The following MACROD2 variants were observed in gnomAD, a reference collection of about 807,000 sequenced individuals.
The protein encoded by MACROD2 is mono-ADP ribosylhydrolase 2, also known as ADP-ribose glycohydrolase MACROD2.
Under a neutral mutation model 70.4 loss-of-function variants are expected in MACROD2, and 36 were observed. The observed-to-expected ratio is 0.51, with a 90% confidence interval of 0.39 to 0.68. The LOEUF (loss-of-function observed/expected upper bound fraction) is 0.68. Among genes scored for constraint, MACROD2 ranks in the 30% least tolerant of loss-of-function variants. The pLI, the probability that MACROD2 is intolerant of heterozygous loss-of-function variation, is 0.00. For missense variants in MACROD2, 496 were observed against 538.4 expected, an observed-to-expected ratio of 0.92 and a Z score of 0.78; for synonymous variants, 172 against 178.8, an observed-to-expected ratio of 0.96 and a Z score of 0.30.
chr20:14,697,567 T>A (rs2071141560), intron 5 of MACROD2, among the ~76,000 whole-genome samples: 2 of 152,210 alleles, frequency 1.3e-5, no homozygotes, highest in African/African-American at 4.8e-5. Flanking sequence ...CATATCACAC[T>A]ACAAGTAATA....
chr20:15,051,908 C>T lies in MACROD2; in HGVS notation c.419-178032C>T, dbSNP rs73612389. Among the ~76,000 whole-genome samples the T allele has an allele frequency of 6.0e-4, 91 of 152,124 alleles. 1 individual carries two copies. The East Asian group carries it at 0.015, about 25-fold the overall frequency. ...CTGGGACTACAGGCACGCGCCACTACGTCCAGCTAATTTTTTGTGTTTTTA... is the reference window on the plus strand; with the variant it reads ...CTGGGACTACAGGCACGCGCCACTATGTCCAGCTAATTTTTTGTGTTTTTA... On this transcript the variant is annotated intron_variant, in intron 5 of 17. Transcript: ENST00000684519.
intron 5 of MACROD2, among the ~76,000 whole-genome samples, chr20:14,749,488 A>G (rs910787327): frequency 1.3e-5 from 2 of 152,088 alleles, no homozygotes; most frequent in Admixed American, 6.5e-5. Context: ...TAGAGAGATG[A>G]TATTTTAACT....
At chr20:15,005,399 A>G (rs1411513946) in intron 5 of MACROD2, among the ~76,000 whole-genome samples, 1 of 152,228 alleles carries the variant, frequency 6.6e-6, no homozygotes, top group East Asian at 1.9e-4. Context: ...TTCAAGTGGG[A>G]GTTCATAAGT....
chr20:15,432,145 T>C (rs1250968073), intron 7 of MACROD2, among the ~76,000 whole-genome samples: 1 of 152,100 alleles, frequency 6.6e-6, no homozygotes, highest in Non-Finnish European at 1.5e-5. Context: ...ACATTCTTTC[T>C]GAACTTAAAC....
At chr20:14,446,135 AACTTTGTATTGCC>A (rs2084179563) in intron 3 of MACROD2, among the ~76,000 whole-genome samples, 1 of 151,284 alleles carries the variant, frequency 6.6e-6, no homozygotes, top group Admixed American at 6.6e-5. Flanking sequence ...GTCTCTACCA[AACTTTGTATTGCC>A]ACACTTTCTC....
intron 5 of MACROD2, among the ~76,000 whole-genome samples, chr20:14,816,723 C>T (rs573185236): frequency 7.2e-5 from 11 of 151,884 alleles, no homozygotes; most frequent in African/African-American, 1.7e-4. Flanking sequence ...AGAGGAATTG[C>T]GGTGCATGTT....
At chr20:14,369,429 A>C (rs1472292137) in intron 3 of MACROD2, among the ~76,000 whole-genome samples, 1 of 152,170 alleles carries the variant, frequency 6.6e-6, no homozygotes, top group Non-Finnish European at 1.5e-5. Flanking sequence ...TACAAACATC[A>C]CATACTTTTC....
In MACROD2 at chr20:14,643,097, A is replaced by C. The variant is rs777843199; in HGVS notation, c.302-41746A>C. ...TTACTGTTGCATAACAAAATATCCA[A>C]ATAAAACTTACATGTTTTATATGTG... is the stretch of plus-strand genomic sequence containing the variant. On this transcript the variant is annotated intron_variant, in intron 4 of 17. Transcript: ENST00000684519. Among the ~76,000 whole-genome samples, 21 of 152,314 alleles carry C rather than the reference A, an allele frequency of 1.4e-4. No homozygotes were observed. The East Asian group carries it at 4.0e-3, about 29-fold the overall frequency.
At chr20:15,967,091 C>T (rs113413880) in intron 12 of MACROD2, among the ~76,000 whole-genome samples, 7 of 152,222 alleles carry the variant, frequency 4.6e-5, no homozygotes, top group Admixed American at 2.0e-4. Flanking sequence ...TTATGGTTCC[C>T]GAGGAAGATG....
rs1158655440 is a variant in MACROD2, at chr20:14,702,573, ATGTG to A, written c.418+17616_418+17619del. 5.8e-4 allele frequency among the ~76,000 whole-genome samples: 32 copies of A among 54,888 alleles called. 4 individuals are homozygous for A. Among genetic ancestry groups the A allele is most frequent in the East Asian group, 2.0e-3 (3 of 1,496 alleles). The allele number at this position is 54,888 out of a possible 152,430, so 36.0% of individuals were successfully genotyped here. On this transcript the variant is annotated intron_variant, in intron 5 of 17. Transcript: ENST00000684519. The stretch of plus-strand genomic sequence containing the variant: ...TGTGTGTATATATATATACACATAT[ATGTG>A]TATATATATGTATATATATGTGTGT...
At chr20:15,953,399 T>C (rs2065933317) in intron 12 of MACROD2, among the ~76,000 whole-genome samples, 1 of 152,128 alleles carries the variant, frequency 6.6e-6, no homozygotes, top group Non-Finnish European at 1.5e-5. Context: ...TGATAAATGT[T>C]CCAGATGATG....
intron 5 of MACROD2, among the ~76,000 whole-genome samples, chr20:15,124,948 T>C (rs2076056158): frequency 6.6e-6 from 1 of 152,050 alleles, no homozygotes; most frequent in Non-Finnish European, 1.5e-5. Context: ...TTCATCCTAA[T>C]TTTCAAGTAG....
intron 3 of MACROD2, among the ~76,000 whole-genome samples, chr20:14,100,799 T>G (rs1471065602): frequency 2.2e-5 from 3 of 138,578 alleles, no homozygotes; most frequent in African/African-American, 8.0e-5. Context: ...ATATATTATA[T>G]ATGATATATA....
At chr20:15,216,671 C>T (rs148726130) in intron 5 of MACROD2, among the ~76,000 whole-genome samples, 55 of 152,250 alleles carry the variant, frequency 3.6e-4, no homozygotes, top group African/African-American at 6.3e-4. Flanking sequence ...ACCCTCACGA[C>T]GGTAAGCTGA....
intron 5 of MACROD2, among the ~76,000 whole-genome samples, chr20:14,918,455 A>G (rs1481076875): frequency 6.6e-6 from 1 of 152,128 alleles, no homozygotes; most frequent in African/African-American, 2.4e-5. Flanking sequence ...GGCTAGAAGG[A>G]TTCCTCTCAC....
At chr20:14,378,090 T>A (rs772308821) in intron 3 of MACROD2, among the ~76,000 whole-genome samples, 1 of 152,210 alleles carries the variant, frequency 6.6e-6, no homozygotes, top group Non-Finnish European at 1.5e-5. Context: ...CTGGAGAGCT[T>A]ATTGAAAGAC....
intron 10 of MACROD2, among the ~76,000 whole-genome samples, chr20:15,911,618 G>A (rs1387064281): frequency 6.6e-6 from 1 of 152,194 alleles, no homozygotes; most frequent in Non-Finnish European, 1.5e-5. Context: ...GGTAGGTGAA[G>A]GTGAATAGTG....
intron 8 of MACROD2, among the ~76,000 whole-genome samples, chr20:15,753,199 TGA>T (rs1463544678): frequency 6.6e-6 from 1 of 152,204 alleles, no homozygotes; most frequent in African/African-American, 2.4e-5. Context: ...TGCATGATGC[TGA>T]CGTCTGGGAT....
At chr20:15,138,342 A>G (rs545553063) in intron 5 of MACROD2, among the ~76,000 whole-genome samples, 2 of 152,292 alleles carry the variant, frequency 1.3e-5, no homozygotes, top group South Asian at 4.1e-4. Flanking sequence ...TAAGGCATGA[A>G]TGATTTTTTC....
Sources: gnomAD v4.1 joint callset for allele counts (sites outside exome capture counted in the v4.1 genomes callset) on GRCh38, gnomAD v4.1.1 for gene constraint, MANE v1.5 for transcripts, NCBI Gene and HGNC (gene_info 2026-07-23, HGNC 2026-07-21) for gene names.